The following CLMP variants were observed in gnomAD, a reference collection of about 807,000 sequenced individuals.
CLMP encodes the protein CXADR-like membrane protein.
CLMP carries 27 observed loss-of-function variants against 45.2 expected under a neutral mutation model. That is an observed-to-expected ratio of 0.60 (90% CI 0.44 to 0.82). The LOEUF is 0.82. Ranked by LOEUF, CLMP falls within the 40% of genes least tolerant of loss-of-function variation. The probability of loss-of-function intolerance (pLI) is 0.00; values close to 1 mark genes in which losing one functional copy is unlikely to be tolerated. For synonymous variants in CLMP, 167 were observed against 171.4 expected (o/e 0.97, Z 0.20); for missense variants, 403 against 448.4 (o/e 0.90, Z 0.91).
chr11:123,139,928 G>A (rs752907121), intron 1 of CLMP, among the ~76,000 whole-genome samples: 5 of 152,330 alleles, frequency 3.3e-5, no homozygotes, highest in South Asian at 2.1e-4. Flanking sequence ...GTCCGATGGC[G>A]ATAAAAGGGT....
At chr11:123,159,535 G>A (rs1181966389) in intron 1 of CLMP, among the ~76,000 whole-genome samples, 1 of 152,228 alleles carries the variant, frequency 6.6e-6, no homozygotes, top group Admixed American at 6.5e-5. Flanking sequence ...TGGAGTCAAG[G>A]AATGCATAAA....
chr11:123,130,585 A>C (rs1565391738), intron 1 of CLMP, among the ~76,000 whole-genome samples: 1 of 152,084 alleles, frequency 6.6e-6, no homozygotes, highest in Non-Finnish European at 1.5e-5. Context: ...ACAGAAGCCC[A>C]CCTTCACTGG....
At position 123,072,361 on chromosome 11, in the gene CLMP, T is replaced by G. The variant is rs1328833989; in HGVS notation, c.*1113A>C. The G allele has an allele frequency of 6.6e-6, 1 of 151,068 alleles. No homozygotes were observed. The allele number at this position is 151,068 out of a possible 1,614,324, so 9.4% of individuals were successfully genotyped here. A position where few individuals can be genotyped will look rare whatever the true frequency, so the allele number is the denominator to read the frequency against. On this transcript the variant is annotated 3_prime_UTR_variant, in exon 7 of 7. Transcript: ENST00000448775. ...TCTTGCTTTGTCACCCAGGCTGGAG[T>G]GCAATGGCATAATCTTGGCTCACTG...
At chr11:123,121,863 C>G (rs2135500717) in intron 1 of CLMP, among the ~76,000 whole-genome samples, 1 of 152,270 alleles carries the variant, frequency 6.6e-6, no homozygotes, top group African/African-American at 2.4e-5. Context: ...TTTCAGCCAC[C>G]TGAGTAGCTG....
chr11:123,096,951 C>A (rs183907942), intron 2 of CLMP, among the ~76,000 whole-genome samples: 1 of 151,878 alleles, frequency 6.6e-6, no homozygotes, highest in Non-Finnish European at 1.5e-5. Flanking sequence ...TGCACTCAAG[C>A]GATCCTCCTG....
chr11:123,110,244 AG>A (rs1477461199), intron 1 of CLMP, among the ~76,000 whole-genome samples: 2 of 152,132 alleles, frequency 1.3e-5, no homozygotes, highest in African/African-American at 4.8e-5. Context: ...TCACAAGGTC[AG>A]GAGTTCGAGA....
chr11:123,107,623 C>T (rs887741835), intron 1 of CLMP, among the ~76,000 whole-genome samples: 2 of 151,152 alleles, frequency 1.3e-5, no homozygotes, highest in South Asian at 2.1e-4. Context: ...CCTCCCGCCT[C>T]GGCCTCTGAA....
intron 1 of CLMP, among the ~76,000 whole-genome samples, chr11:123,104,128 CTTT>C (rs1241735527): frequency 1.4e-5 from 1 of 72,384 alleles, no homozygotes; most frequent in Admixed American, 1.9e-4. Context: ...CCATGCCTGG[CTTT>C]TTTTTTTTTT....
intron 5 of CLMP, among the ~76,000 whole-genome samples, chr11:123,075,563 A>G (rs189753372): frequency 1.3e-5 from 2 of 151,730 alleles, no homozygotes; most frequent in South Asian, 2.1e-4. Context: ...GTTTTTTTGT[A>G]TTTTTAGTAG....
At chr11:123,177,876 C>A (rs1174353372) in intron 1 of CLMP, among the ~76,000 whole-genome samples, 1 of 152,026 alleles carries the variant, frequency 6.6e-6, no homozygotes, top group Non-Finnish European at 1.5e-5. Flanking sequence ...TTATTTTTAA[C>A]ACGGGGTCTC....
rs1865830478 is a variant in CLMP, at chr11:123,083,708, A to G, written c.528T>C (p.Asp176=). The part of the protein sequence containing the change: ...WQRIREKEGE[D]ERLPPKSRID... ...TCCTAGATTTGGGAGGCAGACGTTC[A>G]TCCTCTCCCTCTTTCTCTCGGATTC... The change falls in exon 4 of 7, where the codon GAT becomes GAC. Residue 176 remains aspartate (D), a synonymous_variant. Coordinates refer to ENST00000448775, the MANE Select transcript of CLMP (RefSeq NM_024769.5). 1 of 1,613,974 alleles carries G rather than the reference A, an allele frequency of 6.2e-7. No homozygotes were observed. The highest frequency in any genetic ancestry group is 8.5e-7 in the Non-Finnish European group (1 of 1,180,044).
At chr11:123,095,300 C>CTT (rs11284383) in intron 2 of CLMP, among the ~76,000 whole-genome samples, 1 of 149,030 alleles carries the variant, frequency 6.7e-6, no homozygotes, top group Non-Finnish European at 1.5e-5. Flanking sequence ...TCCAGTGAAA[C>CTT]TTTTTTTTTT....
intron 2 of CLMP, among the ~76,000 whole-genome samples, chr11:123,087,345 AAAAG>A (rs1352869201): frequency 2.2e-4 from 33 of 152,088 alleles, no homozygotes; most frequent in Non-Finnish European, 3.1e-4. Context: ...CTCAAAAAAA[AAAAG>A]AAAGAAAGAA....
chr11:123,084,738 C>G (rs1442106131), intron 2 of CLMP, 25 bp from the exon 3 acceptor site: 1 of 1,602,448 alleles, frequency 6.2e-7, no homozygotes, highest in Non-Finnish European at 8.5e-7. Context: ...GAGGCAGAGT[C>G]AAGCAGCGTA....
chr11:123,102,372 C>T (rs1225206476), intron 1 of CLMP, among the ~76,000 whole-genome samples: 1 of 150,480 alleles, frequency 6.6e-6, no homozygotes, highest in Non-Finnish European at 1.5e-5. Flanking sequence ...CCTCCGACTC[C>T]CCGGTTCAAG....
Position 123,090,438 on chromosome 11 carries a change from A to G in CLMP, c.187-5725T>C, listed in dbSNP as rs1446797605. ...TCTGTCTCAAAAAAAAAAAGAAAAAACACTGTGCCAGGCCGCAGTGATTGG... is the reference window on the plus strand; with the variant it reads ...TCTGTCTCAAAAAAAAAAAGAAAAAGCACTGTGCCAGGCCGCAGTGATTGG... On this transcript the variant is annotated intron_variant, in intron 2 of 6. Coordinates refer to ENST00000448775, the MANE Select transcript of CLMP (RefSeq NM_024769.5). Among the ~76,000 whole-genome samples, 7 of 152,114 alleles carry G rather than the reference A, an allele frequency of 4.6e-5. No individual in the cohort carries two copies. The East Asian group carries it at 1.2e-3, about 25-fold the overall frequency.
chr11:123,098,010 G>A, intron 1 of CLMP, 58 bp from the exon 2 acceptor site: 1 of 1,356,336 alleles, frequency 7.4e-7, no homozygotes, highest in South Asian at 1.7e-5. Context: ...TGTGTGGGGA[G>A]CAAATATGAC....
intron 1 of CLMP, among the ~76,000 whole-genome samples, chr11:123,179,687 C>CTTTT (rs1861744220): frequency 1.3e-5 from 2 of 152,200 alleles, no homozygotes; most frequent in South Asian, 4.1e-4. Flanking sequence ...GGCCAGTGTC[C>CTTTT]TGGGCCCCCT....
chr11:123,109,938 G>A (rs551294084), intron 1 of CLMP, among the ~76,000 whole-genome samples: 4 of 152,262 alleles, frequency 2.6e-5, no homozygotes, highest in East Asian at 3.9e-4. Flanking sequence ...ATGATAGGGT[G>A]AGAAAAATAT....
Sources: allele counts gnomAD v4.1 joint callset (sites outside exome capture counted in the v4.1 genomes callset), GRCh38; gene constraint gnomAD v4.1.1; transcripts MANE v1.5; gene names NCBI Gene and HGNC (gene_info 2026-07-23, HGNC 2026-07-21).